The following SEMA5A variants were observed in gnomAD, a reference collection of about 807,000 sequenced individuals.
SEMA5A encodes semaphorin 5A, also known as semaphorin-5A.
Under a neutral mutation model 135.5 loss-of-function variants are expected in SEMA5A, and 55 were observed. The observed-to-expected ratio is 0.41, with a 90% CI of 0.33 to 0.51. The LOEUF (loss-of-function observed/expected upper bound fraction) is 0.51. SEMA5A is among the 20% of genes least tolerant of loss of function. SEMA5A has a pLI of 0.37. For synonymous variants in SEMA5A, 580 were observed against 546.5 expected, an observed-to-expected ratio of 1.06 and a Z score of -0.85; for missense variants, 1,290 against 1,419.9, an observed-to-expected ratio of 0.91 and a Z score of 1.47.
intron 5 of SEMA5A, among the ~76,000 whole-genome samples, chr5:9,291,929 T>C (rs949109386): frequency 3.9e-5 from 6 of 152,126 alleles, no homozygotes; most frequent in African/African-American, 1.4e-4. Context: ...CAAGTAAGGA[T>C]GTCTAGTCAA....
At chr5:9,140,038 G>C (rs866116511) in intron 12 of SEMA5A, among the ~76,000 whole-genome samples, 2 of 152,096 alleles carry the variant, frequency 1.3e-5, no homozygotes, top group Non-Finnish European at 2.9e-5. Context: ...AACAAATTCA[G>C]GTGTTAGAGG....
intron 16 of SEMA5A, among the ~76,000 whole-genome samples, chr5:9,089,249 A>C (rs982369194): frequency 6.6e-6 from 1 of 152,232 alleles, no homozygotes; most frequent in Non-Finnish European, 1.5e-5. Context: ...CGATCCATGC[A>C]CCAGAAAACA....
chr5:9,182,848 A>G (rs1211370566), intron 11 of SEMA5A, among the ~76,000 whole-genome samples: 2 of 152,138 alleles, frequency 1.3e-5, no homozygotes, highest in Non-Finnish European at 2.9e-5. Context: ...TCCAGGATGT[A>G]TAGATAGTAA....
intron 3 of SEMA5A, among the ~76,000 whole-genome samples, chr5:9,342,861 T>C (rs1478980171): frequency 2.6e-5 from 4 of 152,194 alleles, no homozygotes; most frequent in Non-Finnish European, 5.9e-5. Flanking sequence ...GCTGGTAAGA[T>C]ACAAACCCAA....
At chr5:9,045,489 C>T (rs1736201981) in intron 21 of SEMA5A, among the ~76,000 whole-genome samples, 1 of 152,158 alleles carries the variant, frequency 6.6e-6, no homozygotes, top group Non-Finnish European at 1.5e-5. Flanking sequence ...AAAGGGTCTA[C>T]AGGAAAAATA....
intron 1 of SEMA5A, among the ~76,000 whole-genome samples, chr5:9,454,450 T>C (rs576938883): frequency 2.0e-5 from 3 of 152,348 alleles, no homozygotes; most frequent in African/African-American, 7.2e-5. Flanking sequence ...CCCTTTGATA[T>C]ATTCGCATCT....
intron 5 of SEMA5A, chr5:9,280,657 T>C (rs747033753): frequency 2.7e-5 from 6 of 220,466 alleles, no homozygotes; most frequent in East Asian, 1.2e-4. Flanking sequence ...TTTTGGTACA[T>C]AGGCAAATTG....
At chr5:9,200,111 G>T (rs542767882) in intron 9 of SEMA5A, among the ~76,000 whole-genome samples, 1 of 152,280 alleles carries the variant, frequency 6.6e-6, no homozygotes, top group South Asian at 2.1e-4. Flanking sequence ...TGTGAAATTT[G>T]AGTTGGGCAT....
At chr5:9,537,318 T>C (rs933361334) in intron 1 of SEMA5A, among the ~76,000 whole-genome samples, 1 of 152,234 alleles carries the variant, frequency 6.6e-6, no homozygotes, top group Admixed American at 6.5e-5. Flanking sequence ...ATTTTTCCAA[T>C]CTTGTAACCA....
chr5:9,440,977 G>A lies in SEMA5A; in HGVS notation c.-174-3125C>T, dbSNP rs189549505. Among the ~76,000 whole-genome samples the A allele has an allele frequency of 2.2e-4, 34 of 152,274 alleles. 1 individual carries two copies. Among genetic ancestry groups the A allele is most frequent in the Admixed American group, 1.8e-3 (27 of 15,300 alleles). On this transcript the variant is annotated intron_variant, in intron 1 of 22. Coordinates refer to ENST00000382496, the MANE Select transcript of SEMA5A (RefSeq NM_003966.3). ...TTTAGTGGAGTGATGAAAAGAAACC[G>A]TAAAAGATACAGGTTCAAGAAACCT...
chr5:9,179,210 G>A (rs1244351978), intron 11 of SEMA5A, among the ~76,000 whole-genome samples: 1 of 152,088 alleles, frequency 6.6e-6, no homozygotes, highest in Non-Finnish European at 1.5e-5. Flanking sequence ...AAACCTGAAG[G>A]AGTTATATCA....
intron 12 of SEMA5A, among the ~76,000 whole-genome samples, chr5:9,145,986 T>C (rs1455729853): frequency 6.6e-6 from 1 of 152,130 alleles, no homozygotes; most frequent in African/African-American, 2.4e-5. Context: ...TAGTTGTGTT[T>C]CTCAACTGAA....
chr5:9,348,731 A>G (rs1753984177), intron 3 of SEMA5A, among the ~76,000 whole-genome samples: 1 of 152,250 alleles, frequency 6.6e-6, no homozygotes. Context: ...ATAGGCACTT[A>G]GATTATTCCA....
chr5:9,342,798 T>C lies in SEMA5A; in HGVS notation c.125-4986A>G, dbSNP rs10076406. Among the ~76,000 whole-genome samples, 1,321 of 152,330 alleles carry C rather than the reference T, an allele frequency of 8.7e-3. 18 individuals carry two copies. The highest frequency in any genetic ancestry group is 0.031 in the African/African-American group (1,268 of 41,570). ...TCCTGTATTTCTCACACCTGCCTTATCATAGGTGAAGAAACTGAGGCATTG... is the reference window on the plus strand; with the variant it reads ...TCCTGTATTTCTCACACCTGCCTTACCATAGGTGAAGAAACTGAGGCATTG... On this transcript the variant is annotated intron_variant, in intron 3 of 22. Coordinates refer to ENST00000382496, the MANE Select transcript of SEMA5A (RefSeq NM_003966.3).
chr5:9,123,820 C>T (rs166193), intron 13 of SEMA5A, among the ~76,000 whole-genome samples: 151,775 of 152,246 alleles, frequency 1, 75,662 homozygotes, highest in Middle Eastern at 1. Context: ...TAAGAGCTTA[C>T]GGGCCAGTGA....
At position 9,365,638 on chromosome 5, in the gene SEMA5A, T is replaced by C. The variant is rs376260646; in HGVS notation, c.124+14185A>G. ...GCTGGACTCAGGACATAAATGGTGG[T>C]TTTTTTCCATTCTCCCTTGCCAGAC... On this transcript the variant is annotated intron_variant, in intron 3 of 22. Transcript: ENST00000382496. 8.9e-4 allele frequency among the ~76,000 whole-genome samples: 135 copies of C among 152,250 alleles called. No homozygotes were observed. In the South Asian group the frequency reaches 0.018, roughly 20 times the overall value.
intron 4 of SEMA5A, among the ~76,000 whole-genome samples, chr5:9,336,215 T>C (rs1218694034): frequency 6.6e-6 from 1 of 152,004 alleles, no homozygotes; most frequent in Non-Finnish European, 1.5e-5. Context: ...GCATATTCCA[T>C]AAGTGTAGGC....
intron 16 of SEMA5A, among the ~76,000 whole-genome samples, chr5:9,082,771 C>G (rs1284806689): frequency 6.6e-6 from 1 of 152,142 alleles, no homozygotes; most frequent in African/African-American, 2.4e-5. Context: ...CAGGGATTCT[C>G]CAAAATGACC....
At chr5:9,219,680 C>T (rs7715505) in intron 8 of SEMA5A, among the ~76,000 whole-genome samples, 1,825 of 152,276 alleles carry the variant, frequency 0.012, 34 homozygotes, top group African/African-American at 0.039. Context: ...CTGCTGACAG[C>T]TTCCTTTTGG....
Sources: allele counts gnomAD v4.1 joint callset (sites outside exome capture counted in the v4.1 genomes callset), GRCh38; gene constraint gnomAD v4.1.1; transcripts MANE v1.5; gene names NCBI Gene and HGNC (gene_info 2026-07-23, HGNC 2026-07-21).